Variants in SIPA1L1 observed in about 807,000 individuals in gnomAD.
The protein encoded by SIPA1L1 is signal-induced proliferation-associated 1-like protein 1.
A neutral mutation model predicts 162.7 loss-of-function variants in SIPA1L1; 26 were observed. The observed-to-expected ratio is 0.16, with a 90% CI of 0.12 to 0.22. The LOEUF (loss-of-function observed/expected upper bound fraction) is 0.22. Ranked by LOEUF, SIPA1L1 falls within the 10% of genes least tolerant of loss-of-function variation. The probability of loss-of-function intolerance (pLI) is 1.00; values close to 1 mark genes in which losing one functional copy is unlikely to be tolerated. For synonymous variants in SIPA1L1, 829 were observed against 837.4 expected, an observed-to-expected ratio of 0.99 and a Z score of 0.17; for missense variants, 1,874 against 2,241.0, an observed-to-expected ratio of 0.84 and a Z score of 3.31.
At chr14:71,578,335 TG>T (rs2033425290) in intron 4 of SIPA1L1, among the ~76,000 whole-genome samples, 2 of 152,228 alleles carry the variant, frequency 1.3e-5, no homozygotes, top group African/African-American at 4.8e-5. Context: ...CCCAAAGTGC[TG>T]GGATTACAGT....
chr14:71,651,285 CTTT>C (rs2042596325), intron 8 of SIPA1L1, among the ~76,000 whole-genome samples: 1 of 152,224 alleles, frequency 6.6e-6, no homozygotes, highest in East Asian at 1.9e-4. Flanking sequence ...ACCTGTTTTT[CTTT>C]GAGAGGGTCT....
chr14:71,352,493 G>A (rs1399717339), intron 2 of SIPA1L1, among the ~76,000 whole-genome samples: 6 of 152,208 alleles, frequency 3.9e-5, no homozygotes, highest in African/African-American at 1.4e-4. Flanking sequence ...ATGTCATAAT[G>A]TATAATATAT....
At chr14:71,541,793 T>A (rs1431786108) in intron 4 of SIPA1L1, among the ~76,000 whole-genome samples, 1 of 151,924 alleles carries the variant, frequency 6.6e-6, no homozygotes, top group Non-Finnish European at 1.5e-5. Context: ...AACAGAAACA[T>A]TAAGGTATGT....
chr14:71,355,159 A>G (rs2037118197), intron 2 of SIPA1L1, among the ~76,000 whole-genome samples: 1 of 152,238 alleles, frequency 6.6e-6, no homozygotes, highest in African/African-American at 2.4e-5. Flanking sequence ...TTAGTCAAAG[A>G]TATCAAATGT....
chr14:71,658,316 ATTT>A lies in SIPA1L1; in HGVS notation c.1994-11_1994-9del. On this transcript the variant is annotated splice_polypyrimidine_tract_variant and intron_variant, in intron 8 of 23. Transcript: ENST00000381232. ...CCTGTTATAGTCATCTCATCATTAT[ATTT>A]TTTTTAACTGTAGCTGACTCCACTG... is the stretch of plus-strand genomic sequence containing the variant. The A allele has an allele frequency of 7.8e-7, 1 of 1,280,472 alleles. No individual in the cohort carries two copies. Among genetic ancestry groups the A allele is most frequent in the Admixed American group, 1.7e-5 (1 of 57,826 alleles). 79.3% of individuals were successfully genotyped at this position (1,280,472 alleles called of 1,614,324 possible).
chr14:71,598,522 A>G (rs1432818619), intron 5 of SIPA1L1, among the ~76,000 whole-genome samples: 1 of 152,230 alleles, frequency 6.6e-6, no homozygotes, highest in Non-Finnish European at 1.5e-5. Flanking sequence ...ACTTGAAACT[A>G]TCAGACAAAC....
chr14:71,620,426 C>T (rs75408754), intron 6 of SIPA1L1, among the ~76,000 whole-genome samples: 134 of 152,288 alleles, frequency 8.8e-4, no homozygotes, highest in East Asian at 4.1e-3. Flanking sequence ...TTTTGTCTTT[C>T]GCATTCTCTT....
At chr14:71,423,346 G>C (rs2043324041) in intron 2 of SIPA1L1, among the ~76,000 whole-genome samples, 1 of 151,854 alleles carries the variant, frequency 6.6e-6, no homozygotes, top group African/African-American at 2.4e-5. Flanking sequence ...CAATTTATCT[G>C]TTTTTTAATT....
At chr14:71,330,229 C>T in intron 2 of SIPA1L1, 1 of 644,668 alleles carries the variant, frequency 1.6e-6, no homozygotes, top group Non-Finnish European at 2.9e-6. Flanking sequence ...TCCCCATCCT[C>T]CCAACTCCAC....
At chr14:71,504,075 G>C (rs1463553519) in intron 2 of SIPA1L1, 3 of 152,092 alleles carry the variant, frequency 2.0e-5, no homozygotes, top group Admixed American at 6.6e-5. Flanking sequence ...AAAGTGCTGG[G>C]ATTACAGGTA....
Position 71,589,333 on chromosome 14 carries a change from G to A in SIPA1L1, c.1461G>A (p.Leu487=). Residue 487 remains leucine, a synonymous_variant, in exon 5 of 24, where the codon CTG becomes CTA. Transcript: ENST00000381232. Reference sequence around the variant, plus strand: ...GATACATCGTGGAACACGTAGATCTGGGTGCATACTATTATAGAAAATTTT... The same window carrying A: ...GATACATCGTGGAACACGTAGATCTAGGTGCATACTATTATAGAAAATTTT... The part of the protein sequence containing the change: ...VKRYIVEHVD[L]GAYYYRKFFY... 6.2e-7 allele frequency: 1 copy of A among 1,612,774 alleles called. No individual in the cohort carries two copies. The highest frequency in any genetic ancestry group is 8.5e-7 in the Non-Finnish European group (1 of 1,179,084).
At chr14:71,643,266 G>A (rs1209489015) in intron 7 of SIPA1L1, among the ~76,000 whole-genome samples, 1 of 152,078 alleles carries the variant, frequency 6.6e-6, no homozygotes, top group Non-Finnish European at 1.5e-5. Flanking sequence ...TCAGAAGAAA[G>A]GTTATCAAAA....
chr14:71,537,016 T>G (rs921513429), intron 4 of SIPA1L1, among the ~76,000 whole-genome samples: 2 of 152,192 alleles, frequency 1.3e-5, no homozygotes, highest in African/African-American at 4.8e-5. Flanking sequence ...TGTCTTCTTA[T>G]GCACAATGTT....
chr14:71,465,217 G>A (rs2046904472), intron 2 of SIPA1L1, among the ~76,000 whole-genome samples: 1 of 152,218 alleles, frequency 6.6e-6, no homozygotes, highest in Non-Finnish European at 1.5e-5. Flanking sequence ...TGATGAGGAT[G>A]TGTATGCAAC....
chr14:71,386,281 G>A (rs1264759012), intron 2 of SIPA1L1, among the ~76,000 whole-genome samples: 3 of 152,194 alleles, frequency 2.0e-5, no homozygotes, highest in Non-Finnish European at 4.4e-5. Context: ...GAGAGCAGGA[G>A]ACATCCAGCA....
chr14:71,568,406 A>T (rs1371909948), intron 4 of SIPA1L1, among the ~76,000 whole-genome samples: 1 of 152,200 alleles, frequency 6.6e-6, no homozygotes, highest in Non-Finnish European at 1.5e-5. Context: ...GTCAGAAAGC[A>T]TCAGTATGGT....
rs1273752761 is a variant in SIPA1L1 at position 71,589,173 on chromosome 14, C to T, written c.1301C>T (p.Ser434Leu). The T allele has an allele frequency of 6.2e-7, 1 of 1,614,046 alleles. No homozygotes were observed. The highest frequency in any genetic ancestry group is 1.1e-5 in the South Asian group (1 of 91,066). The change falls in exon 5 of 24, where the codon TCA becomes TTA. Residue 434 changes from serine to leucine, a missense_variant. Ser to Leu is a moderately radical substitution (Grantham distance 145). Coordinates refer to ENST00000381232, the MANE Select transcript of SIPA1L1 (RefSeq NM_001386936.1). The stretch of plus-strand genomic sequence containing the variant: ...GAGAGGAAAATCAGCCTTTCAAAAT[C>T]AAATTCTGGCTCCTTTAGTGGATGT... ...EGERKISLSK[S>L]NSGSFSGCES...
At chr14:71,652,940 C>CT (rs1451135940) in intron 8 of SIPA1L1, among the ~76,000 whole-genome samples, 1 of 151,890 alleles carries the variant, frequency 6.6e-6, no homozygotes, top group Non-Finnish European at 1.5e-5. Context: ...TTTTCAGTTT[C>CT]TTTTTTTAAT....
intron 2 of SIPA1L1, among the ~76,000 whole-genome samples, chr14:71,326,456 G>T (rs1158249386): frequency 6.6e-6 from 1 of 152,070 alleles, no homozygotes; most frequent in African/African-American, 2.4e-5. Context: ...TGATCCGCCT[G>T]CCTCAGCCTC....
Sources: allele counts gnomAD v4.1 joint callset (sites outside exome capture counted in the v4.1 genomes callset), GRCh38; gene constraint gnomAD v4.1.1; transcripts MANE v1.5; gene names NCBI Gene and HGNC (gene_info 2026-07-23, HGNC 2026-07-21).